The following IPO8 variants were observed in gnomAD, a reference collection of about 807,000 sequenced individuals.
IPO8 encodes importin-8.
IPO8 carries 65 observed loss-of-function variants against 141.2 expected under a neutral mutation model. That is an observed-to-expected ratio of 0.46 (90% CI 0.38 to 0.57). The LOEUF (loss-of-function observed/expected upper bound fraction) is 0.57. Among genes scored for constraint, IPO8 ranks in the 20% least tolerant of loss-of-function variants. The pLI, the probability that IPO8 is intolerant of heterozygous loss-of-function variation, is 0.00. For synonymous variants in IPO8, 411 were observed against 420.3 expected (o/e 0.98, Z 0.27); for missense variants, 980 against 1,246.8 (o/e 0.79, Z 3.22).
intron 8 of IPO8, among the ~76,000 whole-genome samples, chr12:30,673,516 G>T (rs1235499289): frequency 2.0e-5 from 3 of 152,064 alleles, no homozygotes; most frequent in Admixed American, 2.0e-4. Flanking sequence ...ATATAGAATG[G>T]TCCCCAAACT....
intron 20 of IPO8, among the ~76,000 whole-genome samples, chr12:30,646,208 GA>G (rs1385821069): frequency 6.6e-6 from 1 of 152,142 alleles, no homozygotes; most frequent in Non-Finnish European, 1.5e-5. Context: ...TTTAAAATCT[GA>G]AAATCAATTA....
chr12:30,649,951 A>C (rs10771752), intron 19 of IPO8, among the ~76,000 whole-genome samples: 80,074 of 151,448 alleles, frequency 0.53, 21,562 homozygotes, highest in African/African-American at 0.61. Flanking sequence ...TAAGAAAAAG[A>C]ATAGACTTAA....
intron 2 of IPO8, chr12:30,688,732 G>A (rs1042959189): frequency 1.9e-5 from 3 of 158,502 alleles, no homozygotes; most frequent in Non-Finnish European, 2.8e-5. Flanking sequence ...CAGAGTTGGT[G>A]AGGATTTGGG....
At chr12:30,691,129 GATT>G (rs1476448495) in intron 1 of IPO8, among the ~76,000 whole-genome samples, 1 of 152,016 alleles carries the variant, frequency 6.6e-6, no homozygotes, top group African/African-American at 2.4e-5. Context: ...TTTCTTCCTA[GATT>G]ATTTGTGCTT....
rs1160566841 is a variant in IPO8, at chr12:30,665,228, G to A, written c.1420C>T (p.Arg474Ter). ...AAATATGAAAAACTTACTCTAGCTC[G>A]AAGATATCCCAGGTTAGACAATAAT... ...PLLLSNLGYL[R>*]ARSCWVLHAF... The change falls in exon 13 of 25, where the codon CGA (arginine) becomes TGA (stop). Residue 474 changes from arginine (R) to a stop codon, truncating the protein, a stop_gained. Coordinates refer to ENST00000256079, the MANE Select transcript of IPO8 (RefSeq NM_006390.4). LOFTEE classifies it high-confidence loss of function. The A allele has an allele frequency of 3.2e-6, 5 of 1,540,734 alleles. No individual in the cohort carries two copies. The highest frequency in any genetic ancestry group is 1.4e-5 in the African/African-American group (1 of 73,002).
chr12:30,685,683 G>A (rs2053234490), intron 2 of IPO8, among the ~76,000 whole-genome samples: 1 of 151,496 alleles, frequency 6.6e-6, no homozygotes, highest in Non-Finnish European at 1.5e-5. Flanking sequence ...CCAGCACTTT[G>A]GGAGGCCGAG....
In IPO8 at chr12:30,695,698, C is replaced by T. The variant is rs1175704272; in HGVS notation, c.-51G>A. 2.0e-6 allele frequency: 3 copies of T among 1,528,036 alleles called. No individual in the cohort carries two copies. In the Admixed American group the frequency reaches 5.2e-5, roughly 26 times the overall value. 94.7% of individuals were successfully genotyped at this position (1,528,036 alleles called of 1,614,324 possible). A position where few individuals can be genotyped will look rare whatever the true frequency, so the allele number is the denominator to read the frequency against. On this transcript the variant is annotated 5_prime_UTR_variant, in exon 1 of 25. Coordinates refer to ENST00000256079, the MANE Select transcript of IPO8 (RefSeq NM_006390.4). The surrounding 1 kb of genome is among the most constrained non-coding windows in gnomAD (Gnocchi z 4.2). ...CCCGGAACAGTAGGCCGGACTGCAG[C>T]TTTAGTTTTCTTTTGACCCTCTCAG...
rs774128945 is a variant in IPO8 at position 30,671,014 on chromosome 12, T to C, written c.992A>G (p.Asn331Ser). ...RVLQQAFNYLNQGVVHSITWK... is the reference protein window; with the variant it reads ...RVLQQAFNYLSQGVVHSITWK... ...GGTTATAGAATGAACCACCCCTTGG[T>C]TGAGATAGTTGAATGCTTGCTGAAG... The change falls in exon 9 of 25, where the codon AAC (asparagine) becomes AGC (serine). Residue 331 changes from asparagine to serine, a missense_variant. By Grantham distance (46) the Asn-to-Ser change is conservative. Coordinates refer to ENST00000256079, the MANE Select transcript of IPO8 (RefSeq NM_006390.4). The C allele has an allele frequency of 8.1e-6, 13 of 1,613,216 alleles. No individual in the cohort carries two copies. The Middle Eastern group carries it at 5.0e-4, about 61-fold the overall frequency.
intron 20 of IPO8, among the ~76,000 whole-genome samples, chr12:30,643,023 G>C (rs192785445): frequency 3.3e-5 from 5 of 152,222 alleles, no homozygotes; most frequent in Non-Finnish European, 5.9e-5. Context: ...GAGAATGCTA[G>C]GTAAGAAACT....
rs889380772 is a variant in IPO8, at chr12:30,686,823, T to C, written c.167-2366A>G. On this transcript the variant is annotated intron_variant, in intron 2 of 24. Transcript: ENST00000256079. ...AGTCATTAAATACTATTAATATTAATTTTATAAATGAAAAGTTATAATTTA... is the reference window on the plus strand; with the variant it reads ...AGTCATTAAATACTATTAATATTAACTTTATAAATGAAAAGTTATAATTTA... 3.3e-5 allele frequency among the ~76,000 whole-genome samples: 5 copies of C among 152,192 alleles called. No homozygotes were observed. In the South Asian group the frequency reaches 8.3e-4, roughly 25 times the overall value.
intron 24 of IPO8, 124 bp from the exon 25 acceptor site, chr12:30,631,081 A>G (rs2052425861): frequency 1.5e-6 from 1 of 649,584 alleles, no homozygotes; most frequent in Admixed American, 2.9e-5. Context: ...TGTGACTGGT[A>G]GTATTAGTTA....
chr12:30,680,358 T>C, intron 5 of IPO8, 124 bp downstream of exon 5: 1 of 707,236 alleles, frequency 1.4e-6, no homozygotes, highest in Non-Finnish European at 2.1e-6. Context: ...CATAAGCATT[T>C]TTTAAAGAAA....
chr12:30,651,669 A>T (rs2052728377), intron 19 of IPO8, among the ~76,000 whole-genome samples: 1 of 152,078 alleles, frequency 6.6e-6, no homozygotes, highest in Admixed American at 6.6e-5. Flanking sequence ...AGTGGGCCAA[A>T]CCTATCTTGT....
chr12:30,674,784 T>C (rs779799585), intron 6 of IPO8, 31 bp from the exon 7 acceptor site: 12 of 1,368,430 alleles, frequency 8.8e-6, no homozygotes, highest in Non-Finnish European at 8.4e-6. Flanking sequence ...AGATTAAAGT[T>C]CTGCATAATA....
intron 20 of IPO8, among the ~76,000 whole-genome samples, chr12:30,644,528 T>C (rs2052615566): frequency 6.6e-6 from 1 of 151,894 alleles, no homozygotes; most frequent in South Asian, 2.1e-4. Flanking sequence ...AAAGCTCCAT[T>C]GAGAGCAAAA....
chr12:30,686,887 G>T (rs1392964742), intron 2 of IPO8, among the ~76,000 whole-genome samples: 1 of 151,670 alleles, frequency 6.6e-6, no homozygotes, highest in African/African-American at 2.4e-5. Context: ...CTTTAAAAAA[G>T]GCACACTGAC....
At position 30,695,504 on chromosome 12, in the gene IPO8, C is replaced by G. The variant is rs2053330191; in HGVS notation, c.84+60G>C. On this transcript the variant is annotated intron_variant, in intron 1 of 24. Coordinates refer to ENST00000256079, the MANE Select transcript of IPO8 (RefSeq NM_006390.4). This position sits in a 1 kb window ranked among gnomAD's most constrained non-coding sequence, Gnocchi z 4.2. ...CGAGGGGCGCCGGGGAGAGGGAGCC[C>G]GGCCAGCCGGCAGGGGCGCCCCTTC... 6.7e-7 allele frequency: 1 copy of G among 1,498,774 alleles called. No individual in the cohort carries two copies. The highest frequency in any genetic ancestry group is 2.3e-5 in the East Asian group (1 of 43,818). The allele number at this position is 1,498,774 out of a possible 1,614,324, so 92.8% of individuals were successfully genotyped here.
In IPO8 at chr12:30,674,639, T is replaced by C. The variant is rs1322410306; in HGVS notation, c.824+20A>G. On this transcript the variant is annotated intron_variant, in intron 7 of 24. Transcript: ENST00000256079. The stretch of plus-strand genomic sequence containing the variant: ...GAGATACTGGCTGTATGATCATCAA[T>C]GTAATAAACAGATAATTACCGTTCA... 6 of 1,520,304 alleles carry C rather than the reference T, an allele frequency of 3.9e-6. No homozygotes were observed. Among genetic ancestry groups the C allele is most frequent in the South Asian group, 2.2e-5 (2 of 89,130 alleles). 94.2% of individuals were successfully genotyped at this position (1,520,304 alleles called of 1,614,324 possible). A position where few individuals can be genotyped will look rare whatever the true frequency, so the allele number is the denominator to read the frequency against.
chr12:30,652,843 G>A, intron 18 of IPO8, 124 bp downstream of exon 18: 1 of 916,748 alleles, frequency 1.1e-6, no homozygotes, highest in Non-Finnish European at 1.6e-6. Context: ...CAGCTTTTAT[G>A]TGACCGGGAA....
Sources: gnomAD v4.1 joint callset for allele counts (sites outside exome capture counted in the v4.1 genomes callset) on GRCh38, gnomAD v4.1.1 for gene constraint, Gnocchi (gnomAD v3.1) non-coding constraint, MANE v1.5 for transcripts, NCBI Gene and HGNC (gene_info 2026-07-23, HGNC 2026-07-21) for gene names.